IGF2BP1: variants seen among roughly 807,000 people sequenced by gnomAD.
IGF2BP1 encodes the protein insulin-like growth factor 2 mRNA-binding protein 1.
Under a neutral mutation model 74.9 loss-of-function variants are expected in IGF2BP1, and 11 were observed. The observed-to-expected ratio is 0.15, with a 90% CI of 0.09 to 0.24. The LOEUF (loss-of-function observed/expected upper bound fraction) is 0.24, where lower values mean the gene tolerates loss of function less well. Among genes scored for constraint, IGF2BP1 ranks in the 10% least tolerant of loss-of-function variants. The pLI is 1.00. For synonymous variants in IGF2BP1, 287 were observed against 281.8 expected, an observed-to-expected ratio of 1.02 and a Z score of -0.18; for missense variants, 440 against 757.4, an observed-to-expected ratio of 0.58 and a Z score of 4.92.
chr17:49,025,586 T>A, intron 2 of IGF2BP1, 32 bp from the exon 3 acceptor site: 3 of 1,605,736 alleles, frequency 1.9e-6, no homozygotes, highest in Non-Finnish European at 2.6e-6. Flanking sequence ...TATTCAGAGC[T>A]TTCTTTAACT....
chr17:49,054,087 C>T lies in IGF2BP1; in HGVS notation c.*4643C>T, dbSNP rs1309211240. 2 of 152,638 alleles carry T rather than the reference C, an allele frequency of 1.3e-5. No individual in the cohort carries two copies. Among genetic ancestry groups the T allele is most frequent in the African/African-American group, 4.8e-5 (2 of 41,460 alleles). 9.5% of individuals were successfully genotyped at this position (152,638 alleles called of 1,614,324 possible). A position where few individuals can be genotyped will look rare whatever the true frequency, so the allele number is the denominator to read the frequency against. On this transcript the variant is annotated 3_prime_UTR_variant, in exon 15 of 15. Transcript: ENST00000290341. ...CCAGCTGAAAACTGCAGTTTCTTTC[C>T]TTTGGATACATAAGGCTTCTCTATC...
chr17:49,013,507 C>G (rs1305964371), intron 2 of IGF2BP1: 3 of 152,710 alleles, frequency 2.0e-5, no homozygotes, highest in African/African-American at 7.2e-5. Flanking sequence ...CCTCCGCGGC[C>G]CCACTTCCAG....
At chr17:49,036,504 CT>C (rs2041990254) in intron 5 of IGF2BP1, 1 of 151,938 alleles carries the variant, frequency 6.6e-6, no homozygotes, top group African/African-American at 2.4e-5. Flanking sequence ...TGCGGAGGAG[CT>C]AAAATTTCGA....
chr17:49,039,678 C>G (rs1315253077), intron 6 of IGF2BP1, among the ~76,000 whole-genome samples: 1 of 152,132 alleles, frequency 6.6e-6, no homozygotes, highest in African/African-American at 2.4e-5. Flanking sequence ...CCACCCGCCT[C>G]GGCCTCCAAA....
intron 6 of IGF2BP1, 58 bp downstream of exon 6, chr17:49,038,507 T>C: frequency 2.1e-6 from 3 of 1,396,264 alleles, no homozygotes; most frequent in Non-Finnish European, 2.8e-6. Flanking sequence ...GGTTGGTACC[T>C]AAAGAGGCCT....
intron 2 of IGF2BP1, among the ~76,000 whole-genome samples, chr17:49,024,720 A>G (rs1167598643): frequency 6.6e-6 from 1 of 152,188 alleles, no homozygotes; most frequent in African/African-American, 2.4e-5. Flanking sequence ...TGTGCCAAGG[A>G]CTTAACCACT....
At chr17:49,038,937 G>A (rs1040157119) in intron 6 of IGF2BP1, among the ~76,000 whole-genome samples, 2 of 149,798 alleles carry the variant, frequency 1.3e-5, no homozygotes, top group Non-Finnish European at 3.0e-5. Flanking sequence ...GAGTGCAGTG[G>A]TGCGATCTCA....
chr17:49,056,055 TTTTC>T lies in IGF2BP1; in HGVS notation c.*6616_*6619del, dbSNP rs1190212065. Among the ~76,000 whole-genome samples, 1 of 151,964 alleles carries T rather than the reference TTTTC, an allele frequency of 6.6e-6. No individual in the cohort carries two copies. The highest frequency in any genetic ancestry group is 1.5e-5 in the Non-Finnish European group (1 of 67,988). ...TTTGATGGATGAACGAACACTCCAG[TTTTC>T]TTTCCCGTGAAGGTTGTTTCAGCCA... is the stretch of plus-strand genomic sequence containing the variant. On this transcript the variant is annotated 3_prime_UTR_variant, in exon 15 of 15. Coordinates refer to ENST00000290341, the MANE Select transcript of IGF2BP1 (RefSeq NM_006546.4).
chr17:49,039,402 C>T (rs908636596), intron 6 of IGF2BP1, among the ~76,000 whole-genome samples: 4 of 151,920 alleles, frequency 2.6e-5, no homozygotes, highest in East Asian at 1.9e-4. Context: ...TGTTCTTGTC[C>T]CCAACCACTG....
chr17:49,040,637 A>G (rs2042041327), intron 7 of IGF2BP1, among the ~76,000 whole-genome samples: 1 of 152,228 alleles, frequency 6.6e-6, no homozygotes. Context: ...TTGTGCGTGT[A>G]TGCACATGTG....
chr17:49,016,131 G>A (rs1289797337), intron 2 of IGF2BP1, among the ~76,000 whole-genome samples: 2 of 152,220 alleles, frequency 1.3e-5, no homozygotes, highest in Non-Finnish European at 2.9e-5. Context: ...TGACGTCGGG[G>A]CTGTTCAGGC....
At chr17:49,018,485 T>C (rs568345713) in intron 2 of IGF2BP1, among the ~76,000 whole-genome samples, 62 of 152,250 alleles carry the variant, frequency 4.1e-4, no homozygotes, top group African/African-American at 1.5e-3. Flanking sequence ...TGGATATCTT[T>C]GGGATGAAGT....
intron 5 of IGF2BP1, chr17:49,036,318 T>C (rs1002718662): frequency 3.3e-5 from 5 of 152,120 alleles, no homozygotes; most frequent in Non-Finnish European, 7.3e-5. Context: ...CTCTGGAGAC[T>C]CTGGAAGGAG....
At chr17:49,010,086 A>G (rs973487202) in intron 2 of IGF2BP1, among the ~76,000 whole-genome samples, 1 of 152,180 alleles carries the variant, frequency 6.6e-6, no homozygotes, top group African/African-American at 2.4e-5. Flanking sequence ...GATTTCAAAC[A>G]AAACAAAACA....
chr17:49,026,760 C>T (rs570558370), intron 4 of IGF2BP1, among the ~76,000 whole-genome samples: 1 of 146,738 alleles, frequency 6.8e-6, no homozygotes, highest in African/African-American at 2.5e-5. Context: ...TGCCTTCCTG[C>T]CTTCCTGTCT....
At chr17:48,996,562 C>A (rs1244269671), upstream of IGF2BP1, 3 of 152,422 alleles carry the variant, frequency 2.0e-5, no homozygotes, top group African/African-American at 7.2e-5. Flanking sequence ...CCCTTCAGTT[C>A]GCTCCGGTTA....
rs1348015739 is a variant in IGF2BP1, at chr17:49,054,615, A to C, written c.*5171A>C. 1 of 152,194 alleles carries C rather than the reference A, an allele frequency of 6.6e-6. No homozygotes were observed. Among genetic ancestry groups the C allele is most frequent in the Non-Finnish European group, 1.5e-5 (1 of 68,182 alleles). The allele number at this position is 152,194 out of a possible 1,614,324, so 9.4% of individuals were successfully genotyped here. A position where few individuals can be genotyped will look rare whatever the true frequency, so the allele number is the denominator to read the frequency against. ...CCAGCTTGTCCCTCTCTCACTTTCTATAGCTTTGTTGGACCAGATGGTGAG... is the reference window on the plus strand; with the variant it reads ...CCAGCTTGTCCCTCTCTCACTTTCTCTAGCTTTGTTGGACCAGATGGTGAG... On this transcript the variant is annotated 3_prime_UTR_variant, in exon 15 of 15. Coordinates refer to ENST00000290341, the MANE Select transcript of IGF2BP1 (RefSeq NM_006546.4).
Position 49,055,446 on chromosome 17 carries a change from T to C in IGF2BP1, c.*6002T>C. The C allele has an allele frequency of 3.1e-6, 1 of 318,188 alleles. No individual in the cohort carries two copies. The highest frequency in any genetic ancestry group is 5.7e-6 in the Non-Finnish European group (1 of 175,156). The allele number at this position is 318,188 out of a possible 1,614,324, so 19.7% of individuals were successfully genotyped here. A position where few individuals can be genotyped will look rare whatever the true frequency, so the allele number is the denominator to read the frequency against. ...TCAGTCACCCCTGTCCCCCCTCCCC[T>C]GCCAATAAGCTCCCCCAGGAATAAA... is the stretch of plus-strand genomic sequence containing the variant. On this transcript the variant is annotated 3_prime_UTR_variant, in exon 15 of 15. Coordinates refer to ENST00000290341, the MANE Select transcript of IGF2BP1 (RefSeq NM_006546.4).
At position 49,026,474 on chromosome 17, in the gene IGF2BP1, C is replaced by G. The variant is rs2041855237; in HGVS notation, c.294C>G (p.Asp98Glu). The change falls in exon 4 of 15, where the codon GAC becomes GAG. Residue 98 changes from aspartate (D) to glutamate (E), a missense_variant. Around this residue, in one of 5 missense-constraint regions of IGF2BP1, gnomAD observed 105 missense variants for 199.4 expected, o/e 0.53. Coordinates refer to ENST00000290341, the MANE Select transcript of IGF2BP1 (RefSeq NM_006546.4). ...IPPQLRWEVL[D>E]SLLAQYGTVE... is the part of the protein sequence containing the mutation. ...CTTCTCCATTCTCCTAGGTACTGGA[C>G]AGCCTGCTGGCTCAGTATGGTACAG... 1 of 1,614,076 alleles carries G rather than the reference C, an allele frequency of 6.2e-7. No homozygotes were observed. The highest frequency in any genetic ancestry group is 2.2e-5 in the East Asian group (1 of 44,886).
Sources: gnomAD v4.1 joint callset for allele counts (sites outside exome capture counted in the v4.1 genomes callset) on GRCh38, gnomAD v4.1.1 for gene constraint, gnomAD v4.1.1 regional missense constraint, MANE v1.5 for transcripts, NCBI Gene and HGNC (gene_info 2026-07-23, HGNC 2026-07-21) for gene names.